The following GRIN2A variants were observed in gnomAD, a reference collection of about 807,000 sequenced individuals.
GRIN2A encodes the protein glutamate receptor ionotropic, NMDA 2A.
In GRIN2A, 22 loss-of-function variants were observed where a neutral mutation model predicts 113.4. The observed-to-expected ratio is 0.19, with a 90% CI of 0.14 to 0.28. The LOEUF (loss-of-function observed/expected upper bound fraction) is 0.28, where lower values mean the gene tolerates loss of function less well. GRIN2A is among the 10% of genes least tolerant of loss of function. GRIN2A has a pLI of 1.00. For missense variants in GRIN2A, 1,502 were observed against 1,887.0 expected (o/e 0.80, Z 3.78); for synonymous variants, 827 against 738.4 (o/e 1.12, Z -1.94).
chr16:10,011,991 C>G (rs2046514223), intron 2 of GRIN2A, among the ~76,000 whole-genome samples: 1 of 152,162 alleles, frequency 6.6e-6, no homozygotes, highest in African/African-American at 2.4e-5. Context: ...ACTAATGGAT[C>G]ATGAGCAGCT....
chr16:10,014,769 G>C (rs1375529726), intron 2 of GRIN2A, among the ~76,000 whole-genome samples: 10 of 152,176 alleles, frequency 6.6e-5, no homozygotes, highest in Non-Finnish European at 1.5e-4. Flanking sequence ...AGAGTGGAGA[G>C]AGACAAGCCT....
At chr16:9,816,633 C>T (rs558363920) in intron 10 of GRIN2A, among the ~76,000 whole-genome samples, 1 of 152,326 alleles carries the variant, frequency 6.6e-6, no homozygotes, top group East Asian at 1.9e-4. Context: ...GCTTGGAGGA[C>T]ATCAGCTTCT....
intron 2 of GRIN2A, among the ~76,000 whole-genome samples, chr16:9,984,620 T>C (rs553784680): frequency 6.6e-6 from 1 of 152,250 alleles, no homozygotes; most frequent in Non-Finnish European, 1.5e-5. Flanking sequence ...GTCCTCAGAA[T>C]GGTCTGCCTC....
intron 11 of GRIN2A, among the ~76,000 whole-genome samples, chr16:9,778,753 G>T (rs1308491255): frequency 1.3e-5 from 2 of 152,160 alleles, no homozygotes; most frequent in Non-Finnish European, 2.9e-5. Flanking sequence ...TCTCTCCCAG[G>T]AGGAACTTAT....
At chr16:9,941,208 CTG>C (rs1234644032) in intron 2 of GRIN2A, among the ~76,000 whole-genome samples, 4 of 152,142 alleles carry the variant, frequency 2.6e-5, no homozygotes, top group African/African-American at 9.7e-5. Flanking sequence ...AAGATTGGTA[CTG>C]GTGGAGAGGT....
intron 8 of GRIN2A, among the ~76,000 whole-genome samples, chr16:9,833,674 C>G (rs1016527809): frequency 2.0e-5 from 3 of 152,208 alleles, no homozygotes; most frequent in Non-Finnish European, 4.4e-5. Flanking sequence ...CAAGCAATAT[C>G]AGTGACCCAA....
chr16:9,957,358 A>G (rs1379699738), intron 2 of GRIN2A, among the ~76,000 whole-genome samples: 1 of 152,188 alleles, frequency 6.6e-6, no homozygotes, highest in African/African-American at 2.4e-5. Context: ...ACTGTGGGAC[A>G]CAGCCACTCC....
intron 7 of GRIN2A, 150 bp downstream of exon 7, chr16:9,840,497 C>T: frequency 1.3e-6 from 1 of 782,056 alleles, no homozygotes; most frequent in Non-Finnish European, 2.2e-6. Flanking sequence ...CTAACCCTTT[C>T]ATAGGATAAT....
At chr16:9,998,595 C>A (rs1010731127) in intron 2 of GRIN2A, among the ~76,000 whole-genome samples, 6 of 152,192 alleles carry the variant, frequency 3.9e-5, no homozygotes, top group African/African-American at 1.4e-4. Flanking sequence ...ACTGCCAGAT[C>A]ACAAAGTATG....
At chr16:9,909,764 G>A (rs1338806744) in intron 3 of GRIN2A, among the ~76,000 whole-genome samples, 1 of 152,126 alleles carries the variant, frequency 6.6e-6, no homozygotes, top group Non-Finnish European at 1.5e-5. Flanking sequence ...TTATTTTCAT[G>A]TATATTGGAA....
intron 2 of GRIN2A, among the ~76,000 whole-genome samples, chr16:9,980,612 A>G (rs1208502675): frequency 1.3e-5 from 2 of 152,146 alleles, no homozygotes; most frequent in African/African-American, 4.8e-5. Context: ...GATAGACTAG[A>G]TTAAGAAAAT....
At chr16:9,879,921 CT>C (rs1267724435) in intron 4 of GRIN2A, among the ~76,000 whole-genome samples, 1 of 152,170 alleles carries the variant, frequency 6.6e-6, no homozygotes, top group African/African-American at 2.4e-5. Flanking sequence ...GTGCCATAAC[CT>C]ATCATTTAAA....
chr16:9,784,057 A>C (rs1398603661), intron 11 of GRIN2A, among the ~76,000 whole-genome samples: 1 of 152,180 alleles, frequency 6.6e-6, no homozygotes, highest in African/African-American at 2.4e-5. Flanking sequence ...TAATCTGTAC[A>C]ACAAACCCCC....
intron 2 of GRIN2A, among the ~76,000 whole-genome samples, chr16:9,990,559 G>GCA (rs1374648465): frequency 1.6e-4 from 15 of 94,642 alleles, no homozygotes; most frequent in African/African-American, 4.7e-4. Context: ...GCGCGCGCGC[G>GCA]CGCGCACACA....
intron 4 of GRIN2A, among the ~76,000 whole-genome samples, chr16:9,879,115 T>C (rs1020537417): frequency 6.6e-6 from 1 of 152,234 alleles, no homozygotes; most frequent in African/African-American, 2.4e-5. Flanking sequence ...AAATGTTTTA[T>C]AATGGCTCAA....
At chr16:9,795,307 C>A (rs1902909666) in intron 11 of GRIN2A, among the ~76,000 whole-genome samples, 1 of 152,060 alleles carries the variant, frequency 6.6e-6, no homozygotes, top group Non-Finnish European at 1.5e-5. Context: ...CTCTGGTCGT[C>A]CCCACTGCTA....
At chr16:10,042,150 C>T (rs1596455638) in intron 2 of GRIN2A, among the ~76,000 whole-genome samples, 1 of 152,202 alleles carries the variant, frequency 6.6e-6, no homozygotes, top group South Asian at 2.1e-4. Flanking sequence ...TTGTACCACA[C>T]ATAAGGTAGT....
At chr16:9,859,998 A>G (rs2043037784) in intron 4 of GRIN2A, among the ~76,000 whole-genome samples, 1 of 150,560 alleles carries the variant, frequency 6.6e-6, no homozygotes. Flanking sequence ...GGTCTATCCT[A>G]TCCCTAGAGT....
intron 3 of GRIN2A, among the ~76,000 whole-genome samples, chr16:9,929,929 T>C (rs1238605022): frequency 6.6e-6 from 1 of 152,190 alleles, no homozygotes; most frequent in African/African-American, 2.4e-5. Context: ...GGCCAACTTC[T>C]GGTCCTCCCA....
Sources: gnomAD v4.1 joint callset for allele counts (sites outside exome capture counted in the v4.1 genomes callset) on GRCh38, gnomAD v4.1.1 for gene constraint, MANE v1.5 for transcripts, NCBI Gene and HGNC (gene_info 2026-07-23, HGNC 2026-07-21) for gene names.